Variants in MAP7 observed in about 807,000 individuals in gnomAD.
The protein encoded by MAP7 is ensconsin.
MAP7 carries 52 observed loss-of-function variants against 94.8 expected under a neutral mutation model. The ratio of observed to expected loss-of-function variants is 0.55; its 90% confidence interval spans 0.44 to 0.69. The LOEUF (loss-of-function observed/expected upper bound fraction) is 0.69. MAP7 is among the 30% of genes least tolerant of loss of function. The pLI is 0.00. For synonymous variants in MAP7, 350 were observed against 357.0 expected (o/e 0.98, Z 0.22); for missense variants, 940 against 964.6 (o/e 0.97, Z 0.34).
intron 16 of MAP7, among the ~76,000 whole-genome samples, chr6:136,353,916 C>T (rs1789991535): frequency 6.6e-6 from 1 of 151,946 alleles, no homozygotes; most frequent in Non-Finnish European, 1.5e-5. Flanking sequence ...GGGACTTGGT[C>T]AGTGGGGGTG....
rs371789328 is a variant in MAP7 at position 136,482,614 on chromosome 6, A to AAAAAC, written c.68-60816_68-60815insGTTTT. Among the ~76,000 whole-genome samples the AAAAAC allele has an allele frequency of 7.6e-3, 1,137 of 150,056 alleles. 18 individuals are homozygous for AAAAAC. The highest frequency in any genetic ancestry group is 0.026 in the African/African-American group (1,043 of 40,506). ...AGGCTCCATCTCAAAAAAAAAAAAAACAGACGCATGCATATGTTCATCACA... is the reference window on the plus strand; with the variant it reads ...AGGCTCCATCTCAAAAAAAAAAAAAAAAAACCAGACGCATGCATATGTTCATCACA... On this transcript the variant is annotated intron_variant, in intron 1 of 17. Coordinates refer to ENST00000354570, the MANE Select transcript of MAP7 (RefSeq NM_003980.6).
intron 3 of MAP7, among the ~76,000 whole-genome samples, chr6:136,393,267 T>G (rs1292892645): frequency 1.3e-5 from 2 of 152,208 alleles, no homozygotes; most frequent in African/African-American, 4.8e-5. Flanking sequence ...TTGCCTTTGT[T>G]ATTGTCCTGT....
chr6:136,506,211 G>C (rs1295978937), intron 1 of MAP7, among the ~76,000 whole-genome samples: 1 of 152,066 alleles, frequency 6.6e-6, no homozygotes, highest in East Asian at 1.9e-4. Context: ...ATATCAAATA[G>C]GGAGAATTGA....
intron 2 of MAP7, among the ~76,000 whole-genome samples, chr6:136,414,284 A>AAAAAAAAAAAAAAAAAAAAC: frequency 7.3e-6 from 1 of 137,218 alleles, no homozygotes; most frequent in Non-Finnish European, 1.6e-5. Context: ...AAAAAAAAAA[A>AAAAAAAAAAAAAAAAAAAAC]TTGGTTAAAT....
chr6:136,448,154 T>C (rs1333694764), intron 1 of MAP7, among the ~76,000 whole-genome samples: 1 of 151,956 alleles, frequency 6.6e-6, no homozygotes, highest in Admixed American at 6.6e-5. Context: ...ATCACGCCAC[T>C]GCACTCCAGC....
chr6:136,426,988 C>T (rs1317452076), intron 1 of MAP7, among the ~76,000 whole-genome samples: 1 of 152,226 alleles, frequency 6.6e-6, no homozygotes, highest in African/African-American at 2.4e-5. Flanking sequence ...AACAGACATG[C>T]TAAGAACTCT....
Position 136,436,144 on chromosome 6 carries a change from C to G in MAP7, c.68-14345G>C, listed in dbSNP as rs78397826. 9.0e-3 allele frequency among the ~76,000 whole-genome samples: 1,373 copies of G among 152,130 alleles called. 60 individuals are homozygous for G. The East Asian group carries it at 0.14, about 15-fold the overall frequency. ...GATCATAGGTAATCATATTTTAGAGCTAGTTAGGAAAGGAAGTTCATTTAA... is the reference window on the plus strand; with the variant it reads ...GATCATAGGTAATCATATTTTAGAGGTAGTTAGGAAAGGAAGTTCATTTAA... On this transcript the variant is annotated intron_variant, in intron 1 of 17. Transcript: ENST00000354570.
chr6:136,403,824 C>T (rs1403313120), intron 3 of MAP7, among the ~76,000 whole-genome samples: 1 of 152,220 alleles, frequency 6.6e-6, no homozygotes, highest in Non-Finnish European at 1.5e-5. Context: ...GAGCCTGACT[C>T]ATGATACAGC....
At chr6:136,375,196 G>A (rs1188488116) in intron 7 of MAP7, among the ~76,000 whole-genome samples, 1 of 152,138 alleles carries the variant, frequency 6.6e-6, no homozygotes, top group African/African-American at 2.4e-5. Context: ...AGCATTTACT[G>A]AGGGCCTACT....
At chr6:136,464,372 A>G (rs965542798) in intron 1 of MAP7, among the ~76,000 whole-genome samples, 55 of 152,360 alleles carry the variant, frequency 3.6e-4, no homozygotes, top group African/African-American at 1.3e-3. Flanking sequence ...TGGTGAGTAC[A>G]GTACAATAAG....
chr6:136,381,322 G>A (rs997849943), intron 6 of MAP7, among the ~76,000 whole-genome samples: 1 of 151,924 alleles, frequency 6.6e-6, no homozygotes, highest in Non-Finnish European at 1.5e-5. Context: ...AGGACTACAG[G>A]TGCACACCAT....
chr6:136,375,366 A>G (rs760631860), intron 7 of MAP7, among the ~76,000 whole-genome samples: 16 of 152,250 alleles, frequency 1.1e-4, no homozygotes, highest in Admixed American at 2.6e-4. Flanking sequence ...CCAGTTCTCA[A>G]CTACTGTATT....
intron 1 of MAP7, among the ~76,000 whole-genome samples, chr6:136,497,797 C>CAAAAAAAAAAAAA (rs1199112585): frequency 4.3e-5 from 2 of 46,566 alleles, no homozygotes; most frequent in African/African-American, 6.7e-5. Flanking sequence ...GACTCTGTCA[C>CAAAAAAAAAAAAA]AAAAAAAAAA....
intron 1 of MAP7, among the ~76,000 whole-genome samples, chr6:136,455,432 G>A (rs1802591548): frequency 6.6e-6 from 1 of 151,936 alleles, no homozygotes; most frequent in Admixed American, 6.6e-5. Context: ...AGAACAAACA[G>A]ACAGAAAATC....
At chr6:136,430,223 T>G (rs1001396388) in intron 1 of MAP7, among the ~76,000 whole-genome samples, 12 of 152,242 alleles carry the variant, frequency 7.9e-5, no homozygotes, top group African/African-American at 2.7e-4. Flanking sequence ...TATACTTTGC[T>G]TAATTAAAAC....
chr6:136,445,891 A>G (rs1320721068), intron 1 of MAP7, among the ~76,000 whole-genome samples: 2 of 152,228 alleles, frequency 1.3e-5, no homozygotes, highest in African/African-American at 4.8e-5. Context: ...GTCCTCTCAC[A>G]ACACAATCAA....
rs934538605 is a variant in MAP7, at chr6:136,359,863, C to G, written c.1869G>C (p.Gln623His). The stretch of plus-strand genomic sequence containing the variant: ...CTCCCTTGGCTATATCACCGTTTCT[C>G]TGATCACTGGTTTTCTACGAAGAAG... Reference protein sequence around the residue: ...TEATDKKTSDQRNGDIAKGAL... With the variant: ...TEATDKKTSDHRNGDIAKGAL... Residue 623 changes from glutamine (Q) to histidine (H), a missense_variant, in exon 15 of 18, where the codon CAG becomes CAC. Transcript: ENST00000354570. 5 of 1,613,538 alleles carry G rather than the reference C, an allele frequency of 3.1e-6. No individual in the cohort carries two copies. The highest frequency in any genetic ancestry group is 1.7e-5 in the Admixed American group (1 of 59,994).
chr6:136,481,962 T>A (rs1032479163), intron 1 of MAP7, among the ~76,000 whole-genome samples: 2 of 152,230 alleles, frequency 1.3e-5, no homozygotes, highest in Non-Finnish European at 2.9e-5. Context: ...TACATGGGAA[T>A]TCTTTGTCCT....
intron 1 of MAP7, among the ~76,000 whole-genome samples, chr6:136,509,730 T>C (rs1822678860): frequency 6.6e-6 from 1 of 152,130 alleles, no homozygotes; most frequent in Admixed American, 6.5e-5. Flanking sequence ...GGGCTATTTT[T>C]TAATTTTGCA....
Sources: allele counts gnomAD v4.1 joint callset (sites outside exome capture counted in the v4.1 genomes callset), GRCh38; gene constraint gnomAD v4.1.1; transcripts MANE v1.5; gene names NCBI Gene and HGNC (gene_info 2026-07-23, HGNC 2026-07-21).